The following NEGR1 variants were observed in gnomAD, a reference collection of about 807,000 sequenced individuals.
NEGR1 encodes IgLON family member 4.
NEGR1 carries 10 observed loss-of-function variants against 40.9 expected under a neutral mutation model. The ratio of observed to expected loss-of-function variants is 0.24; its 90% CI spans 0.15 to 0.42. The LOEUF is 0.42. Among genes scored for constraint, NEGR1 ranks in the 10% least tolerant of loss-of-function variants. The pLI is 1.00. For missense variants in NEGR1, 352 were observed against 438.9 expected, an observed-to-expected ratio of 0.80 and a Z score of 1.77; for synonymous variants, 185 against 166.8, an observed-to-expected ratio of 1.11 and a Z score of -0.84.
At chr1:72,237,053 A>G (rs1172227535) in intron 1 of NEGR1, among the ~76,000 whole-genome samples, 1 of 151,972 alleles carries the variant, frequency 6.6e-6, no homozygotes, top group East Asian at 1.9e-4. Context: ...TTTATTTATT[A>G]TTTAACATAT....
At chr1:71,933,746 C>CAAT (rs1199977023) in intron 2 of NEGR1, among the ~76,000 whole-genome samples, 1 of 151,894 alleles carries the variant, frequency 6.6e-6, no homozygotes, top group African/African-American at 2.4e-5. Context: ...TCACAGCCTA[C>CAAT]AATAATCTGT....
intron 4 of NEGR1, among the ~76,000 whole-genome samples, chr1:71,651,521 C>T (rs895184718): frequency 6.6e-6 from 1 of 152,042 alleles, no homozygotes; most frequent in Non-Finnish European, 1.5e-5. Context: ...TTCTTTTGCT[C>T]CTGTCCTTTG....
At chr1:72,018,106 G>T (rs1167699766) in intron 1 of NEGR1, among the ~76,000 whole-genome samples, 1 of 152,120 alleles carries the variant, frequency 6.6e-6, no homozygotes, top group African/African-American at 2.4e-5. Flanking sequence ...GAATGAATTA[G>T]AGGTATAGGG....
At chr1:71,960,572 T>G (rs916104078) in intron 1 of NEGR1, among the ~76,000 whole-genome samples, 1 of 152,212 alleles carries the variant, frequency 6.6e-6, no homozygotes, top group South Asian at 2.1e-4. Context: ...AGTTTAATCT[T>G]TAATGGCCAG....
rs7538811 is a variant in NEGR1, at chr1:71,830,330, A to G, written c.410-54033T>C. 2.7e-3 allele frequency among the ~76,000 whole-genome samples: 411 copies of G among 152,096 alleles called. 3 individuals are homozygous for G. The highest frequency in any genetic ancestry group is 9.6e-3 in the African/African-American group (398 of 41,532). On this transcript the variant is annotated intron_variant, in intron 2 of 6. Coordinates refer to ENST00000357731, the MANE Select transcript of NEGR1 (RefSeq NM_173808.3). Reference sequence around the variant, plus strand: ...AGTGTTTTCTATAAAAGGGGCTAATAGTAAATATTTTCAGCTTTGTGAACC... The same window carrying G: ...AGTGTTTTCTATAAAAGGGGCTAATGGTAAATATTTTCAGCTTTGTGAACC...
intron 1 of NEGR1, 136 bp downstream of exon 1, chr1:72,282,183 G>T: frequency 9.4e-7 from 1 of 1,058,378 alleles, no homozygotes; most frequent in Non-Finnish European, 1.3e-6. Flanking sequence ...TCTGCACCTG[G>T]AATTCTTGGG....
intron 3 of NEGR1, among the ~76,000 whole-genome samples, chr1:71,739,950 A>G (rs1655162868): frequency 6.6e-6 from 1 of 152,208 alleles, no homozygotes; most frequent in Non-Finnish European, 1.5e-5. Context: ...CACTCCTTGT[A>G]CATTACCACT....
intron 1 of NEGR1, among the ~76,000 whole-genome samples, chr1:72,037,582 T>C (rs954399299): frequency 2.0e-5 from 3 of 152,124 alleles, no homozygotes; most frequent in African/African-American, 7.2e-5. Flanking sequence ...ACTGCCTTCG[T>C]TGTCATTTTT....
At chr1:71,507,098 TCTC>T (rs1471977763) in intron 6 of NEGR1, among the ~76,000 whole-genome samples, 4 of 152,162 alleles carry the variant, frequency 2.6e-5, no homozygotes, top group African/African-American at 9.7e-5. Context: ...TCTTAAAAAG[TCTC>T]CTGCTTCCAG....
intron 1 of NEGR1, among the ~76,000 whole-genome samples, chr1:72,269,563 C>T (rs1156853492): frequency 2.0e-5 from 3 of 151,596 alleles, no homozygotes; most frequent in African/African-American, 2.4e-5. Context: ...TAATAAAGTT[C>T]GGAAAATTAC....
rs186229118 is a variant in NEGR1, at chr1:72,025,882, C to G, written c.177-90571G>C. On this transcript the variant is annotated intron_variant, in intron 1 of 6. Coordinates refer to ENST00000357731, the MANE Select transcript of NEGR1 (RefSeq NM_173808.3). ...ATCCCAGCACTTTGGGAGGCCGAGG[C>G]GGGCGGATCACGAGGTCAGGAGATC... Among the ~76,000 whole-genome samples, 24 of 151,806 alleles carry G rather than the reference C, an allele frequency of 1.6e-4. No homozygotes were observed. In the East Asian group the frequency reaches 4.5e-3, roughly 28 times the overall value.
At position 71,977,737 on chromosome 1, in the gene NEGR1, G is replaced by A. The variant is rs1401236134; in HGVS notation, c.177-42426C>T. Among the ~76,000 whole-genome samples, 3 of 136,602 alleles carry A rather than the reference G, an allele frequency of 2.2e-5. No homozygotes were observed. In the East Asian group the frequency reaches 6.2e-4, roughly 28 times the overall value. The allele number at this position is 136,602 out of a possible 152,430, so 89.6% of individuals were successfully genotyped here. A position where few individuals can be genotyped will look rare whatever the true frequency, so the allele number is the denominator to read the frequency against. On this transcript the variant is annotated intron_variant, in intron 1 of 6. Coordinates refer to ENST00000357731, the MANE Select transcript of NEGR1 (RefSeq NM_173808.3). ...TTTTCCTTTCTAAAAATTATAATGG[G>A]CAACATTCTAAGGAAAATAGTAGAA...
intron 6 of NEGR1, among the ~76,000 whole-genome samples, chr1:71,554,552 A>T (rs1648191033): frequency 6.6e-6 from 1 of 151,426 alleles, no homozygotes; most frequent in Non-Finnish European, 1.5e-5. Context: ...AAAGTCTTAT[A>T]TTGGGATTTC....
At chr1:71,765,740 G>A (rs1656098939) in intron 3 of NEGR1, among the ~76,000 whole-genome samples, 1 of 151,984 alleles carries the variant, frequency 6.6e-6, no homozygotes, top group African/African-American at 2.4e-5. Flanking sequence ...TCCTAAAAAG[G>A]TTTTCATCTT....
At chr1:72,144,448 AACTACATATAT>A (rs1171010401) in intron 1 of NEGR1, among the ~76,000 whole-genome samples, 4 of 101,368 alleles carry the variant, frequency 3.9e-5, no homozygotes, top group Non-Finnish European at 1.0e-4. Flanking sequence ...ACAGATAACA[AACTACATATAT>A]GCACATAAAC....
At chr1:71,820,547 T>C (rs1174307619) in intron 2 of NEGR1, among the ~76,000 whole-genome samples, 1 of 151,982 alleles carries the variant, frequency 6.6e-6, no homozygotes, top group African/African-American at 2.4e-5. Context: ...GGTCTCCTTG[T>C]TAGAGTAGGG....
rs564123579 is a variant in NEGR1 at position 72,225,404 on chromosome 1, C to A, written c.176+56915G>T. Among the ~76,000 whole-genome samples, 60 of 151,512 alleles carry A rather than the reference C, an allele frequency of 4.0e-4. No homozygotes were observed. The South Asian group carries it at 0.012, about 31-fold the overall frequency. ...AAAATATAAAACAAACTTTTATTTT[C>A]TTTAAATATGAGTTTTGTATTATAA... On this transcript the variant is annotated intron_variant, in intron 1 of 6. Transcript: ENST00000357731.
At chr1:71,783,171 G>A (rs1387638411) in intron 2 of NEGR1, among the ~76,000 whole-genome samples, 1 of 152,014 alleles carries the variant, frequency 6.6e-6, no homozygotes, top group Non-Finnish European at 1.5e-5. Context: ...CAAGCTAGAC[G>A]TAACTATAAA....
Position 72,017,126 on chromosome 1 carries a change from ATGTG to A in NEGR1, c.177-81819_177-81816del, listed in dbSNP as rs143863573. On this transcript the variant is annotated intron_variant, in intron 1 of 6. Coordinates refer to ENST00000357731, the MANE Select transcript of NEGR1 (RefSeq NM_173808.3). The stretch of plus-strand genomic sequence containing the variant: ...AATACACACATATATATACACATAT[ATGTG>A]TGTGTGTGTGTGTGTGTGTGTGTGT... 6.5e-3 allele frequency among the ~76,000 whole-genome samples: 950 copies of A among 146,842 alleles called. 9 individuals carry two copies. Among genetic ancestry groups the A allele is most frequent in the Middle Eastern group, 0.018 (5 of 284 alleles).
Sources: gnomAD v4.1 joint callset for allele counts (sites outside exome capture counted in the v4.1 genomes callset) on GRCh38, gnomAD v4.1.1 for gene constraint, MANE v1.5 for transcripts, NCBI Gene and HGNC (gene_info 2026-07-23, HGNC 2026-07-21) for gene names.